Variants in CHD6 observed in about 807,000 individuals in gnomAD.
The protein encoded by CHD6 is chromodomain helicase DNA binding protein 6, also known as ATP-dependent chromatin remodeler CHD6.
A neutral mutation model predicts 276.9 loss-of-function variants in CHD6; 50 were observed. The observed-to-expected ratio is 0.18, with a 90% CI of 0.14 to 0.23. CHD6 has a LOEUF of 0.23. Among genes scored for constraint, CHD6 ranks in the 10% least tolerant of loss-of-function variants. The pLI, the probability that CHD6 is intolerant of heterozygous loss-of-function variation, is 1.00. For missense variants in CHD6, 2,564 were observed against 3,365.8 expected (o/e 0.76, Z 5.89); for synonymous variants, 1,173 against 1,229.3 (o/e 0.95, Z 0.96).
At chr20:41,423,739 T>G (rs768160537) in intron 29 of CHD6, 39 bp from the exon 30 acceptor site, 1 of 1,560,966 alleles carries the variant, frequency 6.4e-7, no homozygotes, top group Non-Finnish European at 8.8e-7. Context: ...AGCTCTTTCT[T>G]CTTTTTTTAA....
intron 5 of CHD6, among the ~76,000 whole-genome samples, chr20:41,504,181 A>G (rs769639933): frequency 1.6e-4 from 23 of 147,158 alleles, no homozygotes; most frequent in Admixed American, 6.8e-4. Flanking sequence ...TGTTTGATTC[A>G]TTCTTTTTCC....
chr20:41,444,434 A>G (rs2048000864), intron 25 of CHD6, among the ~76,000 whole-genome samples: 1 of 152,222 alleles, frequency 6.6e-6, no homozygotes, highest in Non-Finnish European at 1.5e-5. Context: ...GGGCATGTCT[A>G]TGATTGCATG....
intron 14 of CHD6, 74 bp downstream of exon 14, chr20:41,487,591 C>T: frequency 7.0e-7 from 1 of 1,421,418 alleles, no homozygotes; most frequent in South Asian, 1.4e-5. Flanking sequence ...AATCCTGGCC[C>T]CATAGCATCC....
intron 1 of CHD6, among the ~76,000 whole-genome samples, chr20:41,577,211 G>A (rs756423254): frequency 2.0e-5 from 3 of 152,178 alleles, no homozygotes; most frequent in Non-Finnish European, 4.4e-5. Flanking sequence ...ACTTGTGGCC[G>A]CTATTTATCA....
At position 41,454,709 on chromosome 20, in the gene CHD6, TTC is replaced by T. The variant is rs1416326566; in HGVS notation, c.3035_3036del (p.Arg1012AsnfsTer7). ...AKASFVASGNRTDISLDDPNF... is the reference protein window; with the variant it reads ...AKASFVASGNXTDISLDDPNF... ...TTAGGATCATCTAAGGAAATATCTG[TTC>T]TGTTTCCTGAAGCCACAAAGCTAGC... is the stretch of plus-strand genomic sequence containing the variant. On this transcript the variant is annotated frameshift_variant, in exon 20 of 37. Transcript: ENST00000373233. LOFTEE classifies it high-confidence loss of function. The T allele has an allele frequency of 6.2e-7, 1 of 1,613,748 alleles. No homozygotes were observed. Among genetic ancestry groups the T allele is most frequent in the Non-Finnish European group, 8.5e-7 (1 of 1,179,876 alleles).
intron 16 of CHD6, among the ~76,000 whole-genome samples, chr20:41,480,058 G>C (rs2145814706): frequency 6.6e-6 from 1 of 152,296 alleles, no homozygotes; most frequent in African/African-American, 2.4e-5. Context: ...TTAAGAATGA[G>C]AGCAGAGTAA....
At chr20:41,486,901 A>C (rs1057021845) in intron 14 of CHD6, among the ~76,000 whole-genome samples, 4 of 152,024 alleles carry the variant, frequency 2.6e-5, no homozygotes, top group African/African-American at 9.7e-5. Flanking sequence ...ACCTGTTAAA[A>C]GCTGCCCATC....
At chr20:41,494,571 A>G (rs1423494094) in intron 8 of CHD6, among the ~76,000 whole-genome samples, 1 of 152,168 alleles carries the variant, frequency 6.6e-6, no homozygotes, top group Non-Finnish European at 1.5e-5. Context: ...TAGGTACTAT[A>G]ATTACCTTAC....
intron 30 of CHD6, among the ~76,000 whole-genome samples, chr20:41,423,047 T>G (rs1211210677): frequency 1.3e-5 from 2 of 152,194 alleles, no homozygotes; most frequent in African/African-American, 4.8e-5. Flanking sequence ...GGGTTCTCTA[T>G]TGCATCAGGG....
Position 41,514,931 on chromosome 20 carries a change from TG to T in CHD6, c.575del (p.Pro192GlnfsTer19). The stretch of plus-strand genomic sequence containing the variant: ...TTTTTCCTTTCTTCTTTTTCTCCAC[TG>T]GGGTTGGTCCTTGCTCCTTGCTACA... ...RKASKEQGPT[P>X]VEKKKKGKRK... On this transcript the variant is annotated frameshift_variant, in exon 4 of 37. Transcript: ENST00000373233. LOFTEE classifies it high-confidence loss of function. The T allele has an allele frequency of 6.2e-7, 1 of 1,613,986 alleles. No individual in the cohort carries two copies. The highest frequency in any genetic ancestry group is 8.5e-7 in the Non-Finnish European group (1 of 1,179,910).
At chr20:41,477,336 G>C (rs2043190102) in intron 16 of CHD6, among the ~76,000 whole-genome samples, 1 of 151,830 alleles carries the variant, frequency 6.6e-6, no homozygotes, top group African/African-American at 2.4e-5. Context: ...GACTAGAAAG[G>C]CTAGACATTT....
chr20:41,544,071 C>G (rs1276567275), intron 2 of CHD6, among the ~76,000 whole-genome samples: 1 of 152,080 alleles, frequency 6.6e-6, no homozygotes, highest in East Asian at 1.9e-4. Context: ...GAAACCCTGT[C>G]TCTACTAAAA....
intron 36 of CHD6, among the ~76,000 whole-genome samples, chr20:41,408,407 G>A (rs1429317682): frequency 6.6e-6 from 1 of 152,176 alleles, no homozygotes; most frequent in Non-Finnish European, 1.5e-5. Flanking sequence ...GGATCACTGG[G>A]GACGCAATTC....
chr20:41,552,536 T>A (rs2146150217), intron 1 of CHD6, among the ~76,000 whole-genome samples: 1 of 152,344 alleles, frequency 6.6e-6, no homozygotes, highest in African/African-American at 2.4e-5. Flanking sequence ...CCATAATTTG[T>A]CAATTTGCAA....
At chr20:41,465,074 T>C (rs6065357) in intron 17 of CHD6, among the ~76,000 whole-genome samples, 26,707 of 152,146 alleles carry the variant, frequency 0.18, 2,518 homozygotes, top group South Asian at 0.22. Flanking sequence ...GAAGGGATGA[T>C]GAGAATAGAA....
chr20:41,536,320 T>C (rs527277018), intron 2 of CHD6, among the ~76,000 whole-genome samples: 2 of 152,294 alleles, frequency 1.3e-5, no homozygotes, highest in Admixed American at 1.3e-4. Flanking sequence ...CATGCAACAA[T>C]GCTAGCTCAT....
At chr20:41,461,479 TTAATGAGTCTCATGAGA>T (rs2048546599) in intron 17 of CHD6, among the ~76,000 whole-genome samples, 1 of 152,164 alleles carries the variant, frequency 6.6e-6, no homozygotes, top group Non-Finnish European at 1.5e-5. Flanking sequence ...CTCACGATAG[TTAATGAGTCTCATGAGA>T]TCTGATGGGC....
intron 1 of CHD6, among the ~76,000 whole-genome samples, chr20:41,585,814 C>T (rs958263469): frequency 2.0e-5 from 3 of 152,220 alleles, no homozygotes; most frequent in Admixed American, 6.5e-5. Flanking sequence ...ACATTAAACT[C>T]CTTAACAAAG....
chr20:41,536,960 G>C (rs892150816), intron 2 of CHD6, among the ~76,000 whole-genome samples: 2 of 152,148 alleles, frequency 1.3e-5, no homozygotes, highest in African/African-American at 4.8e-5. Flanking sequence ...CATATATAGA[G>C]ATGTGAAGGT....
Sources: allele counts gnomAD v4.1 joint callset (sites outside exome capture counted in the v4.1 genomes callset), GRCh38; gene constraint gnomAD v4.1.1; transcripts MANE v1.5; gene names NCBI Gene and HGNC (gene_info 2026-07-23, HGNC 2026-07-21).